The following GAK variants were observed in gnomAD, a reference collection of about 807,000 sequenced individuals.
GAK encodes the protein cyclin-G-associated kinase.
A neutral mutation model predicts 143.9 loss-of-function variants in GAK; 79 were observed. That is an observed-to-expected ratio of 0.55 (90% CI 0.46 to 0.66). The LOEUF (loss-of-function observed/expected upper bound fraction) is 0.66. Ranked by LOEUF, GAK falls within the 30% of genes least tolerant of loss-of-function variation. The pLI is 0.00. For missense variants in GAK, 1,693 were observed against 1,779.7 expected, an observed-to-expected ratio of 0.95 and a Z score of 0.88; for synonymous variants, 881 against 765.5, an observed-to-expected ratio of 1.15 and a Z score of -2.49.
intron 20 of GAK, among the ~76,000 whole-genome samples, 173 bp from the exon 21 acceptor site, chr4:867,605 T>C (rs1577082478): frequency 7.3e-6 from 1 of 136,510 alleles, no homozygotes; most frequent in African/African-American, 2.8e-5. Flanking sequence ...AGGGCCTTGG[T>C]GAACACACGT....
chr4:854,740 C>T (rs1748825502), intron 24 of GAK, among the ~76,000 whole-genome samples: 1 of 152,172 alleles, frequency 6.6e-6, no homozygotes, highest in Non-Finnish European at 1.5e-5. Flanking sequence ...TTTCATTTTT[C>T]CATTACAAAA....
intron 5 of GAK, among the ~76,000 whole-genome samples, chr4:900,280 G>C (rs1446599021): frequency 6.6e-6 from 1 of 152,260 alleles, no homozygotes; most frequent in Non-Finnish European, 1.5e-5. Context: ...GCACGGGGCA[G>C]GCGAGTGGGG....
At position 849,548 on chromosome 4, in the gene GAK, C is replaced by CCGGG. The variant is rs375745718; in HGVS notation, c.*121_*124dup. On this transcript the variant is annotated 3_prime_UTR_variant, in exon 28 of 28. Coordinates refer to ENST00000314167, the MANE Select transcript of GAK (RefSeq NM_005255.4). ...CCTGGAACGCTGGGCGGGCGGTGACCCGGGGCTCGGAGCCCCACCCTGGCC... is the reference window on the plus strand; with the variant it reads ...CCTGGAACGCTGGGCGGGCGGTGACCCGGGCGGGGCTCGGAGCCCCACCCTGGCC... 35 of 673,166 alleles carry CCGGG rather than the reference C, an allele frequency of 5.2e-5. No individual in the cohort carries two copies. Among genetic ancestry groups the CCGGG allele is most frequent in the African/African-American group, 3.1e-4 (17 of 55,450 alleles). 41.7% of individuals were successfully genotyped at this position (673,166 alleles called of 1,614,324 possible).
intron 1 of GAK, among the ~76,000 whole-genome samples, chr4:920,539 ATTTTTT>A (rs34176109): frequency 1.5e-5 from 2 of 129,590 alleles, no homozygotes; most frequent in Admixed American, 7.8e-5. Flanking sequence ...GTTTAGAGCC[ATTTTTT>A]TTTTTTTTTT....
intron 20 of GAK, 84 bp downstream of exon 20, chr4:868,455 C>T (rs1266229901): frequency 6.8e-7 from 1 of 1,481,154 alleles, no homozygotes; most frequent in Non-Finnish European, 9.1e-7. Flanking sequence ...GGCCCGTCTC[C>T]CAAGACGCTT....
intron 1 of GAK, among the ~76,000 whole-genome samples, chr4:919,643 C>T (rs558916460): frequency 2.0e-5 from 3 of 152,374 alleles, no homozygotes; most frequent in African/African-American, 7.2e-5. Flanking sequence ...CTCCTCACCG[C>T]TTCTGCGATG....
chr4:852,927 G>C (rs1297659751), intron 24 of GAK: 1 of 152,302 alleles, frequency 6.6e-6, no homozygotes, highest in Non-Finnish European at 1.5e-5. Context: ...GTGTGAGTGC[G>C]GGGCCGCGCC....
chr4:888,731 G>T, intron 11 of GAK, 116 bp downstream of exon 11: 1 of 1,304,700 alleles, frequency 7.7e-7, no homozygotes. Context: ...CACTGCCTCA[G>T]GGGCCCCTGT....
chr4:932,189 G>T lies in GAK; in HGVS notation c.-2C>A. 6.5e-7 allele frequency: 1 copy of T among 1,540,684 alleles called. No individual in the cohort carries two copies. On this transcript the variant is annotated 5_prime_UTR_variant, in exon 1 of 28. Coordinates refer to ENST00000314167, the MANE Select transcript of GAK (RefSeq NM_005255.4). The surrounding 1 kb of genome is among the most constrained non-coding windows in gnomAD (Gnocchi z 4.0). ...GAGCGCCGACTGCAGCAGCGACATG[G>T]CGGTGGCTGCGCCGCACCCCGCGGC...
intron 23 of GAK, among the ~76,000 whole-genome samples, chr4:863,106 A>G (rs1029006189): frequency 6.6e-6 from 1 of 152,260 alleles, no homozygotes; most frequent in Non-Finnish European, 1.5e-5. Flanking sequence ...GGAAGAGGTT[A>G]AAACAGCAAC....
chr4:882,734 C>T lies in GAK; in HGVS notation c.1490G>A (p.Arg497Gln), dbSNP rs758613775. The T allele has an allele frequency of 2.0e-5, 32 of 1,612,600 alleles. No homozygotes were observed. Among genetic ancestry groups the T allele is most frequent in the Middle Eastern group, 3.5e-4 (2 of 5,742 alleles). The change falls in exon 14 of 28, where the codon CGG becomes CAG. Residue 497 changes from arginine (R) to glutamine (Q), a missense_variant. This residue lies in a region of GAK where 871 missense variants were observed against 991.0 expected (regional missense o/e 0.88). Coordinates refer to ENST00000314167, the MANE Select transcript of GAK (RefSeq NM_005255.4). ...NICRNMHAWL[R>Q]QDHKNVCVVH... is the part of the protein sequence containing the mutation. ...GACGCAGACGTTCTTGTGGTCCTGC[C>T]GCAGCCAGGCGTGCATGTTCCTGCA...
chr4:896,340 G>T, intron 7 of GAK, 120 bp downstream of exon 7: 1 of 726,484 alleles, frequency 1.4e-6, no homozygotes. Context: ...GGGGACGGGA[G>T]GGGAAGAGGG....
intron 5 of GAK, among the ~76,000 whole-genome samples, chr4:902,907 C>T (rs977687331): frequency 5.3e-5 from 8 of 151,950 alleles, no homozygotes; most frequent in African/African-American, 9.7e-5. Context: ...GAGCAAGACC[C>T]GAATGACTAT....
intron 24 of GAK, among the ~76,000 whole-genome samples, chr4:856,178 TCACACCTGCTCAC>T (rs1358148644): frequency 7.6e-5 from 10 of 131,444 alleles, no homozygotes; most frequent in African/African-American, 2.8e-4. Context: ...CCACAGCTGC[TCACACCTGCTCAC>T]CACAGCTGCT....
At chr4:901,033 C>T (rs929617819) in intron 5 of GAK, among the ~76,000 whole-genome samples, 12 of 152,090 alleles carry the variant, frequency 7.9e-5, no homozygotes, top group South Asian at 2.1e-4. Context: ...AGGGGACAAA[C>T]GAAAAAGGCC....
In GAK at chr4:905,508, C is replaced by G. The variant is rs544450985; in HGVS notation, c.383-729G>C. Reference sequence around the variant, plus strand: ...GGACTCCGCCACGCCCCATGCCACGCTACGGACTCCGCCACGCCCCATGCC... The same window carrying G: ...GGACTCCGCCACGCCCCATGCCACGGTACGGACTCCGCCACGCCCCATGCC... On this transcript the variant is annotated intron_variant, in intron 4 of 27. Coordinates refer to ENST00000314167, the MANE Select transcript of GAK (RefSeq NM_005255.4). Among the ~76,000 whole-genome samples, 11 of 148,606 alleles carry G rather than the reference C, an allele frequency of 7.4e-5. No homozygotes were observed. In the East Asian group the frequency reaches 2.2e-3, roughly 30 times the overall value.
intron 1 of GAK, among the ~76,000 whole-genome samples, chr4:931,155 G>A (rs1251503349): frequency 6.6e-6 from 1 of 152,252 alleles, no homozygotes; most frequent in African/African-American, 2.4e-5. Flanking sequence ...CACTGGCACT[G>A]GTGATCGATT....
intron 1 of GAK, among the ~76,000 whole-genome samples, chr4:931,788 T>A (rs1192388546): frequency 6.6e-6 from 1 of 151,932 alleles, no homozygotes; most frequent in Non-Finnish European, 1.5e-5. Flanking sequence ...GACAAGAAAG[T>A]ACCCCGACCC....
At chr4:898,490 A>G (rs1454637215) in intron 5 of GAK, among the ~76,000 whole-genome samples, 1 of 152,280 alleles carries the variant, frequency 6.6e-6, no homozygotes, top group Non-Finnish European at 1.5e-5. Context: ...GATCAAATGT[A>G]ATATGTGTAA....
Sources: gnomAD v4.1 joint callset for allele counts (sites outside exome capture counted in the v4.1 genomes callset) on GRCh38, gnomAD v4.1.1 for gene constraint, gnomAD v4.1.1 regional missense constraint, Gnocchi (gnomAD v3.1) non-coding constraint, MANE v1.5 for transcripts, NCBI Gene and HGNC (gene_info 2026-07-23, HGNC 2026-07-21) for gene names.